CFAP221: variants seen among roughly 807,000 people sequenced by gnomAD.
The protein encoded by CFAP221 is cilia- and flagella-associated protein 221.
CFAP221 carries 97 observed loss-of-function variants against 113.1 expected under a neutral mutation model. That is an observed-to-expected ratio of 0.86 (90% CI 0.73 to 1.02). CFAP221 has a LOEUF of 1.02. CFAP221 is among the 50% of genes least tolerant of loss of function. The pLI is 0.00. For missense variants in CFAP221, 1,025 were observed against 1,013.4 expected, an observed-to-expected ratio of 1.01 and a Z score of -0.16; for synonymous variants, 331 against 354.4, an observed-to-expected ratio of 0.93 and a Z score of 0.74.
Position 119,544,466 on chromosome 2 carries a change from C to T in CFAP221, c.-92C>T, listed in dbSNP as rs1679899931. 2 of 151,924 alleles carry T rather than the reference C, an allele frequency of 1.3e-5. No homozygotes were observed. Among genetic ancestry groups the T allele is most frequent in the African/African-American group, 4.8e-5 (2 of 41,510 alleles). 9.4% of individuals were successfully genotyped at this position (151,924 alleles called of 1,614,324 possible). On this transcript the variant is annotated 5_prime_UTR_variant, in exon 1 of 24. Coordinates refer to ENST00000413369, the MANE Select transcript of CFAP221 (RefSeq NM_001271049.2). ...GTCATGGCGACGCTCCGAGCGGGCG[C>T]CGGCGCTGGCGCCGGCCGAATCCGG...
chr2:119,632,116 C>T (rs993095634), intron 19 of CFAP221, among the ~76,000 whole-genome samples: 3 of 152,150 alleles, frequency 2.0e-5, no homozygotes, highest in Non-Finnish European at 4.4e-5. Flanking sequence ...TACACGAGCT[C>T]TTCCAGGAAA....
chr2:119,576,352 T>A (rs1682442107), intron 6 of CFAP221, among the ~76,000 whole-genome samples: 2 of 152,134 alleles, frequency 1.3e-5, no homozygotes, highest in Admixed American at 1.3e-4. Flanking sequence ...CTCTCCCTCC[T>A]CTCACCCTCC....
At position 119,626,037 on chromosome 2, in the gene CFAP221, C is replaced by T. The variant is rs532653322; in HGVS notation, c.1516+349C>T. 6.6e-5 allele frequency among the ~76,000 whole-genome samples: 10 copies of T among 152,256 alleles called. No individual in the cohort carries two copies. The South Asian group carries it at 1.7e-3, about 25-fold the overall frequency. ...TAAAACCAAGGTGCTGGTAGGGCTG[C>T]GCTCCCCCCAGGGGTTTCAGGGGAG... On this transcript the variant is annotated intron_variant, in intron 15 of 23. Transcript: ENST00000413369.
At chr2:119,562,618 C>G (rs957181538) in intron 6 of CFAP221, among the ~76,000 whole-genome samples, 1 of 152,174 alleles carries the variant, frequency 6.6e-6, no homozygotes, top group African/African-American at 2.4e-5. Flanking sequence ...GTTTTGGAGA[C>G]AAAGGCAAAG....
At chr2:119,578,433 A>G (rs1169148170) in intron 6 of CFAP221, among the ~76,000 whole-genome samples, 1 of 152,206 alleles carries the variant, frequency 6.6e-6, no homozygotes, top group Non-Finnish European at 1.5e-5. Flanking sequence ...CACACGATAC[A>G]TCATTGTTGT....
intron 7 of CFAP221, among the ~76,000 whole-genome samples, chr2:119,596,537 G>C (rs548799589): frequency 6.6e-5 from 10 of 152,360 alleles, no homozygotes; most frequent in Admixed American, 2.6e-4. Context: ...CCCTCAGGTT[G>C]TCTGGTGTTG....
At chr2:119,638,190 G>A in intron 19 of CFAP221, 69 bp from the exon 20 acceptor site, 1 of 1,529,364 alleles carries the variant, frequency 6.5e-7, no homozygotes, top group East Asian at 2.2e-5. Context: ...AGCATTAGCT[G>A]ATGCCTGTCC....
intron 14 of CFAP221, among the ~76,000 whole-genome samples, chr2:119,620,709 A>G (rs1363686303): frequency 6.6e-6 from 1 of 152,220 alleles, no homozygotes; most frequent in Admixed American, 6.5e-5. Flanking sequence ...ACCAGCTAGC[A>G]TCATAATGAC....
intron 22 of CFAP221, among the ~76,000 whole-genome samples, chr2:119,650,492 G>A (rs926641630): frequency 1.3e-5 from 2 of 152,228 alleles, no homozygotes; most frequent in African/African-American, 4.8e-5. Context: ...CAGCACTGAT[G>A]TGCACACTAT....
At chr2:119,568,277 G>T (rs746963535) in intron 6 of CFAP221, among the ~76,000 whole-genome samples, 42 of 152,102 alleles carry the variant, frequency 2.8e-4, no homozygotes, top group Middle Eastern at 3.4e-3. Context: ...AAAAATAAAA[G>T]TTTTAATTTT....
intron 12 of CFAP221, among the ~76,000 whole-genome samples, 189 bp downstream of exon 12, chr2:119,608,778 T>A (rs935134195): frequency 9.2e-5 from 14 of 152,102 alleles, no homozygotes; most frequent in Non-Finnish European, 2.1e-4. Context: ...CTAAGTTTTG[T>A]GGGGATTCAG....
intron 22 of CFAP221, among the ~76,000 whole-genome samples, chr2:119,649,056 G>A (rs1438156646): frequency 6.6e-6 from 1 of 152,206 alleles, no homozygotes; most frequent in East Asian, 1.9e-4. Context: ...TATTTCTGTG[G>A]TGAGATGGAT....
chr2:119,585,888 C>T (rs879289298), intron 6 of CFAP221, among the ~76,000 whole-genome samples: 12 of 152,166 alleles, frequency 7.9e-5, no homozygotes, highest in Non-Finnish European at 1.8e-4. Flanking sequence ...GGTAGGGAAG[C>T]CTGTCATTAT....
At chr2:119,549,280 T>A in intron 3 of CFAP221, 95 bp downstream of exon 3, 1 of 979,878 alleles carries the variant, frequency 1.0e-6, no homozygotes, top group Middle Eastern at 2.5e-4. Context: ...CACAGCATAA[T>A]CAGCCGTAGT....
chr2:119,647,996 T>C (rs1687916925), intron 22 of CFAP221, among the ~76,000 whole-genome samples: 1 of 152,216 alleles, frequency 6.6e-6, no homozygotes, highest in Non-Finnish European at 1.5e-5. Context: ...ACAGTACACC[T>C]TGGGCCACTG....
intron 7 of CFAP221, among the ~76,000 whole-genome samples, chr2:119,598,156 T>G (rs1448766083): frequency 6.6e-6 from 1 of 152,240 alleles, no homozygotes; most frequent in African/African-American, 2.4e-5. Context: ...TAAATAATTT[T>G]ACAGTGTTAG....
chr2:119,552,148 T>A (rs1372299385), intron 3 of CFAP221, among the ~76,000 whole-genome samples: 2 of 148,554 alleles, frequency 1.3e-5, no homozygotes, highest in African/African-American at 4.9e-5. Context: ...CATAGCTTTT[T>A]AAAACTGGCC....
chr2:119,586,099 C>T (rs1683201890), intron 6 of CFAP221, among the ~76,000 whole-genome samples: 2 of 152,036 alleles, frequency 1.3e-5, no homozygotes, highest in South Asian at 4.2e-4. Context: ...GGCAGGAGGG[C>T]TGTGATGGGG....
chr2:119,565,495 A>T (rs1034849351), intron 6 of CFAP221, among the ~76,000 whole-genome samples: 1 of 152,192 alleles, frequency 6.6e-6, no homozygotes, highest in Admixed American at 6.5e-5. Flanking sequence ...TATGCCTAAT[A>T]ATGCAGACAT....
Sources: allele counts gnomAD v4.1 joint callset (sites outside exome capture counted in the v4.1 genomes callset), GRCh38; gene constraint gnomAD v4.1.1; transcripts MANE v1.5; gene names NCBI Gene and HGNC (gene_info 2026-07-23, HGNC 2026-07-21).